Variants in PLCB4 observed in about 807,000 individuals in gnomAD.
PLCB4 encodes phospholipase C beta 4, also known as 1-phosphatidylinositol 4,5-bisphosphate phosphodiesterase beta-4.
Under a neutral mutation model 178.8 loss-of-function variants are expected in PLCB4, and 77 were observed. The ratio of observed to expected loss-of-function variants is 0.43; its 90% CI spans 0.36 to 0.52. The LOEUF (loss-of-function observed/expected upper bound fraction) is 0.52. Among genes scored for constraint, PLCB4 ranks in the 20% least tolerant of loss-of-function variants. The probability of loss-of-function intolerance (pLI) is 0.00; values close to 1 mark genes in which losing one functional copy is unlikely to be tolerated. For synonymous variants in PLCB4, 496 were observed against 490.8 expected (o/e 1.01, Z -0.14); for missense variants, 1,024 against 1,453.4 (o/e 0.70, Z 4.80).
At chr20:9,306,350 A>AC (rs972965276) in intron 3 of PLCB4, among the ~76,000 whole-genome samples, 4 of 141,362 alleles carry the variant, frequency 2.8e-5, no homozygotes, top group Non-Finnish European at 4.7e-5. Flanking sequence ...CAGGTGATCC[A>AC]CCCCCTCCCC....
intron 39 of PLCB4, 31 bp downstream of exon 39, chr20:9,476,784 T>A (rs376101609): frequency 4.6e-6 from 7 of 1,533,760 alleles, no homozygotes; most frequent in Non-Finnish European, 6.3e-6. Context: ...AGCAAGACGT[T>A]GCTTTCCTTC....
chr20:9,453,362 C>T lies in PLCB4; in HGVS notation c.2896C>T (p.Gln966Ter). 6.2e-7 allele frequency: 1 copy of T among 1,607,488 alleles called. No homozygotes were observed. The highest frequency in any genetic ancestry group is 2.2e-5 in the East Asian group (1 of 44,852). ...KKHAKEHSTM[Q>*]KLHCTQVDKI... ...TCTTGTTCAGGAACACAGTACCATG[C>T]AGAAGTTACACTGCACGCAAGTTGA... Residue 966 changes from glutamine to a stop codon, truncating the protein, a stop_gained, in exon 33 of 40, where the codon CAG becomes TAG. Transcript: ENST00000378473. LOFTEE classifies it high-confidence loss of function.
Position 9,411,029 on chromosome 20 carries a change from C to A in PLCB4, c.2000-8C>A. The A allele has an allele frequency of 6.2e-7, 1 of 1,606,162 alleles. No individual in the cohort carries two copies. The highest frequency in any genetic ancestry group is 8.5e-7 in the Non-Finnish European group (1 of 1,173,030). On this transcript the variant is annotated splice_region_variant and splice_polypyrimidine_tract_variant and intron_variant, in intron 24 of 39. Transcript: ENST00000378473. ...ACAAGATGCTAAATTATTTTTGTCTCTTGACAGATTTAGCGATGCAATTGA... is the reference window on the plus strand; with the variant it reads ...ACAAGATGCTAAATTATTTTTGTCTATTGACAGATTTAGCGATGCAATTGA...
chr20:9,255,945 T>TAC lies in PLCB4; in HGVS notation c.-16+38500_-16+38501dup, dbSNP rs1027591789. 1.7e-4 allele frequency among the ~76,000 whole-genome samples: 25 copies of TAC among 151,282 alleles called. No individual in the cohort carries two copies. The East Asian group carries it at 2.5e-3, about 15-fold the overall frequency. ...CTATTGCATAACATATATATATATA[T>TAC]ACACACACCATATTACCTTTCTGAA... On this transcript the variant is annotated intron_variant, in intron 3 of 39. Transcript: ENST00000378473.
At chr20:9,151,703 A>G (rs1340109311) in intron 2 of PLCB4, among the ~76,000 whole-genome samples, 3 of 152,122 alleles carry the variant, frequency 2.0e-5, no homozygotes, top group East Asian at 1.9e-4. Context: ...AAACAAACTA[A>G]TACAGTAAAT....
intron 17 of PLCB4, among the ~76,000 whole-genome samples, chr20:9,392,845 T>A (rs1393033652): frequency 7.7e-6 from 1 of 130,006 alleles, no homozygotes; most frequent in Non-Finnish European, 1.5e-5. Context: ...GCACAGTGCC[T>A]TACATATAAT....
chr20:9,270,559 T>C (rs914080710), intron 3 of PLCB4, among the ~76,000 whole-genome samples: 7 of 152,278 alleles, frequency 4.6e-5, no homozygotes, highest in Non-Finnish European at 1.0e-4. Flanking sequence ...ATTCATGACT[T>C]ACATTTTGAA....
intron 2 of PLCB4, among the ~76,000 whole-genome samples, chr20:9,181,018 G>C (rs1177300297): frequency 6.6e-6 from 1 of 152,134 alleles, no homozygotes; most frequent in Non-Finnish European, 1.5e-5. Context: ...CCCATATGTT[G>C]TGCCTGATTG....
At chr20:9,355,024 A>C (rs1037026743) in intron 7 of PLCB4, among the ~76,000 whole-genome samples, 1 of 152,160 alleles carries the variant, frequency 6.6e-6, no homozygotes, top group Admixed American at 6.5e-5. Flanking sequence ...ATTAGTTAGA[A>C]TCTCTAGGGT....
intron 9 of PLCB4, among the ~76,000 whole-genome samples, chr20:9,370,037 A>T (rs2036113087): frequency 1.3e-5 from 2 of 152,224 alleles, no homozygotes; most frequent in African/African-American, 4.8e-5. Flanking sequence ...TGGCTAAGGT[A>T]TGGCTCAGAG....
At chr20:9,070,309 G>A (rs1454134583) in intron 1 of PLCB4, among the ~76,000 whole-genome samples, 1 of 152,186 alleles carries the variant, frequency 6.6e-6, no homozygotes, top group Non-Finnish European at 1.5e-5. Flanking sequence ...AAAATTGTGT[G>A]TGTGTTGCGG....
At chr20:9,233,872 AT>A (rs1200845935) in intron 3 of PLCB4, among the ~76,000 whole-genome samples, 3 of 152,098 alleles carry the variant, frequency 2.0e-5, no homozygotes, top group Non-Finnish European at 4.4e-5. Context: ...TGGAATGGGA[AT>A]TTATCGATAG....
Position 9,463,005 on chromosome 20 carries a change from G to C in PLCB4, c.3248+3195G>C, listed in dbSNP as rs546253446. Among the ~76,000 whole-genome samples, 43 of 152,244 alleles carry C rather than the reference G, an allele frequency of 2.8e-4. No homozygotes were observed. The South Asian group carries it at 6.6e-3, about 24-fold the overall frequency. ...TTGAAATGATGGAAAAAATGTTAAG[G>C]GCAGCCAGAGAGAAAGGTCGGGTTA... On this transcript the variant is annotated intron_variant, in intron 35 of 39. Transcript: ENST00000378473.
At position 9,296,794 on chromosome 20, in the gene PLCB4, TG is replaced by T. The variant is rs2094641167; in HGVS notation, c.-15-11003del. Reference sequence around the variant, plus strand: ...AACACCGCATGTTCTCACTTATAGGTGGGAATTGAACAATGAGAACACATGG... The same window carrying T: ...AACACCGCATGTTCTCACTTATAGGTGGAATTGAACAATGAGAACACATGG... On this transcript the variant is annotated intron_variant, in intron 3 of 39. Transcript: ENST00000378473. Among the ~76,000 whole-genome samples, 4 of 150,040 alleles carry T rather than the reference TG, an allele frequency of 2.7e-5. No homozygotes were observed. The South Asian group carries it at 8.4e-4, about 32-fold the overall frequency.
At chr20:9,420,735 A>C (rs1333171583) in intron 26 of PLCB4, among the ~76,000 whole-genome samples, 1 of 152,240 alleles carries the variant, frequency 6.6e-6, no homozygotes, top group African/African-American at 2.4e-5. Context: ...AACCCTAATA[A>C]GTGGCTATAG....
chr20:9,356,947 C>T (rs771207060), intron 7 of PLCB4, among the ~76,000 whole-genome samples: 17 of 152,068 alleles, frequency 1.1e-4, no homozygotes, highest in Non-Finnish European at 1.9e-4. Flanking sequence ...CAGACCCCAT[C>T]TCTGCAAAAA....
At chr20:9,277,298 TA>T (rs1276755339) in intron 3 of PLCB4, among the ~76,000 whole-genome samples, 4 of 152,066 alleles carry the variant, frequency 2.6e-5, no homozygotes, top group African/African-American at 9.7e-5. Context: ...TTTCCATAGA[TA>T]AGCCAAACAG....
chr20:9,182,221 T>C (rs1310802698), intron 2 of PLCB4, among the ~76,000 whole-genome samples: 1 of 152,186 alleles, frequency 6.6e-6, no homozygotes, highest in Non-Finnish European at 1.5e-5. Context: ...TTGGGCTCCA[T>C]TCTTGTAGCT....
intron 2 of PLCB4, among the ~76,000 whole-genome samples, chr20:9,138,009 C>T (rs184126275): frequency 2.0e-5 from 3 of 152,098 alleles, no homozygotes; most frequent in Admixed American, 1.3e-4. Context: ...GAGAATTTTA[C>T]GTGCATATAA....
Sources: allele counts gnomAD v4.1 joint callset (sites outside exome capture counted in the v4.1 genomes callset), GRCh38; gene constraint gnomAD v4.1.1; transcripts MANE v1.5; gene names NCBI Gene and HGNC (gene_info 2026-07-23, HGNC 2026-07-21).